FRZB: variants seen among roughly 807,000 people sequenced by gnomAD.
FRZB encodes the protein frizzled related protein.
A neutral mutation model predicts 32.5 loss-of-function variants in FRZB; 34 were observed. That is an observed-to-expected ratio of 1.05 (90% confidence interval 0.80 to 1.39). The LOEUF (loss-of-function observed/expected upper bound fraction) is 1.39, where lower values mean the gene tolerates loss of function less well. Ranked by LOEUF, FRZB falls within the 40% of genes most tolerant of loss-of-function variation. FRZB has a pLI of 0.00. For synonymous variants in FRZB, 170 were observed against 159.2 expected (o/e 1.07, Z -0.51); for missense variants, 423 against 424.8 (o/e 1.00, Z 0.04).
Position 182,834,801 on chromosome 2 carries a change from G to T in FRZB, c.*48C>A, listed in dbSNP as rs755094264. The T allele has an allele frequency of 3.8e-6, 5 of 1,321,932 alleles. No homozygotes were observed. Among genetic ancestry groups the T allele is most frequent in the Non-Finnish European group, 5.5e-6 (5 of 914,232 alleles). 81.9% of individuals were successfully genotyped at this position (1,321,932 alleles called of 1,614,324 possible). On this transcript the variant is annotated 3_prime_UTR_variant, in exon 6 of 6. Coordinates refer to ENST00000295113, the MANE Select transcript of FRZB (RefSeq NM_001463.4). ...TTCCTTTGCTAGTCCAGCAATGCAAGTAAGTCTTAATAGGAAGTCCACTGT... is the reference window on the plus strand; with the variant it reads ...TTCCTTTGCTAGTCCAGCAATGCAATTAAGTCTTAATAGGAAGTCCACTGT...
chr2:182,855,739 C>T (rs547335802), intron 2 of FRZB, among the ~76,000 whole-genome samples: 1 of 152,054 alleles, frequency 6.6e-6, no homozygotes, highest in Non-Finnish European at 1.5e-5. Context: ...GAAATAATTC[C>T]TAAGCACTTC....
At chr2:182,841,030 T>A (rs1695580384) in intron 3 of FRZB, among the ~76,000 whole-genome samples, 1 of 152,134 alleles carries the variant, frequency 6.6e-6, no homozygotes, top group African/African-American at 2.4e-5. Flanking sequence ...AACAAGCTAA[T>A]CTCCTAGAAA....
intron 1 of FRZB, among the ~76,000 whole-genome samples, chr2:182,865,769 G>A (rs1695882799): frequency 6.6e-6 from 1 of 152,244 alleles, no homozygotes; most frequent in Non-Finnish European, 1.5e-5. Context: ...GTAAGGAGTT[G>A]AAGTGAAGGA....
chr2:182,844,597 TAA>T (rs1203025949), intron 2 of FRZB, among the ~76,000 whole-genome samples: 1 of 152,202 alleles, frequency 6.6e-6, no homozygotes, highest in Non-Finnish European at 1.5e-5. Context: ...TGTGCTCAAA[TAA>T]AAAATTTTGG....
intron 1 of FRZB, among the ~76,000 whole-genome samples, chr2:182,861,590 A>C (rs932284499): frequency 6.6e-6 from 1 of 152,228 alleles, no homozygotes; most frequent in African/African-American, 2.4e-5. Flanking sequence ...CGACTAGTTC[A>C]GTGTACAAAA....
At chr2:182,858,741 T>C (rs774942436) in intron 2 of FRZB, 45 bp downstream of exon 2, 1 of 1,471,382 alleles carries the variant, frequency 6.8e-7, no homozygotes, top group South Asian at 1.2e-5. Context: ...CATCAATGAC[T>C]AATCTGACCA....
At chr2:182,848,597 A>G (rs1050845663) in intron 2 of FRZB, among the ~76,000 whole-genome samples, 5 of 152,160 alleles carry the variant, frequency 3.3e-5, no homozygotes, top group African/African-American at 7.2e-5. Context: ...CCTGGTGTCA[A>G]TGATGAAAGG....
chr2:182,859,221 G>C (rs1695804340), intron 1 of FRZB, among the ~76,000 whole-genome samples: 1 of 151,342 alleles, frequency 6.6e-6, no homozygotes. Flanking sequence ...TCAATAAATG[G>C]ACATATCACA....
Position 182,833,756 on chromosome 2 carries a change from G to C in FRZB, c.*1093C>G, listed in dbSNP as rs1033788968. The C allele has an allele frequency of 3.9e-5, 6 of 152,114 alleles. No individual in the cohort carries two copies. Among genetic ancestry groups the C allele is most frequent in the African/African-American group, 1.4e-4 (6 of 41,418 alleles). The allele number at this position is 152,114 out of a possible 1,614,324, so 9.4% of individuals were successfully genotyped here. A position where few individuals can be genotyped will look rare whatever the true frequency, so the allele number is the denominator to read the frequency against. ...GCAGCACAAATCCAAATGATAAAGTGCAGGCCAGTTTGCAGGCCTGTATTT... is the reference window on the plus strand; with the variant it reads ...GCAGCACAAATCCAAATGATAAAGTCCAGGCCAGTTTGCAGGCCTGTATTT... On this transcript the variant is annotated 3_prime_UTR_variant, in exon 6 of 6. Coordinates refer to ENST00000295113, the MANE Select transcript of FRZB (RefSeq NM_001463.4).
chr2:182,853,305 G>A (rs1234855928), intron 2 of FRZB, among the ~76,000 whole-genome samples: 1 of 152,132 alleles, frequency 6.6e-6, no homozygotes, highest in Non-Finnish European at 1.5e-5. Flanking sequence ...TTGTTGATGT[G>A]TTTTCTTTCT....
At chr2:182,842,127 G>A (rs2242070) in intron 3 of FRZB, among the ~76,000 whole-genome samples, 38,904 of 152,014 alleles carry the variant, frequency 0.26, 5,677 homozygotes, top group East Asian at 0.54. Context: ...ACTCAGTGAA[G>A]CACAACTGAT....
In FRZB at chr2:182,866,529, C is replaced by T. The variant is rs1266217331; in HGVS notation, c.24G>A (p.Gly8=). ...GCAGCCCGGCCCGCAGCAGCAGCATCCCTCCCGGGCTGCCGCAGACCATGA... is the reference window on the plus strand; with the variant it reads ...GCAGCCCGGCCCGCAGCAGCAGCATTCCTCCCGGGCTGCCGCAGACCATGA... The part of the protein sequence containing the change: MVCGSPG[G]MLLLRAGLLA... The change falls in exon 1 of 6, where the codon GGG becomes GGA. Residue 8 remains glycine, a synonymous_variant. Transcript: ENST00000295113. This position sits in a 1 kb window ranked among gnomAD's most constrained non-coding sequence, Gnocchi z 4.5. The T allele has an allele frequency of 6.8e-7, 1 of 1,470,688 alleles. No individual in the cohort carries two copies. The highest frequency in any genetic ancestry group is 2.4e-5 in the East Asian group (1 of 40,900). The allele number at this position is 1,470,688 out of a possible 1,614,324, so 91.1% of individuals were successfully genotyped here. A position where few individuals can be genotyped will look rare whatever the true frequency, so the allele number is the denominator to read the frequency against.
intron 3 of FRZB, among the ~76,000 whole-genome samples, chr2:182,840,146 G>T (rs1214539783): frequency 6.6e-6 from 1 of 152,066 alleles, no homozygotes; most frequent in Non-Finnish European, 1.5e-5. Flanking sequence ...GTCCTCGCTT[G>T]GTTTGACTGG....
chr2:182,837,489 A>G (rs1464715322), intron 5 of FRZB, among the ~76,000 whole-genome samples: 1 of 150,486 alleles, frequency 6.6e-6, no homozygotes, highest in African/African-American at 2.5e-5. Flanking sequence ...TTTGCAGCTA[A>G]GTAAAAACTG....
chr2:182,838,844 A>C (rs1695556462), intron 3 of FRZB, among the ~76,000 whole-genome samples: 1 of 152,034 alleles, frequency 6.6e-6, no homozygotes, highest in Admixed American at 6.6e-5. Flanking sequence ...GGCTGTGTAT[A>C]TATTTGCATG....
At chr2:182,842,754 C>T (rs771567496) in intron 2 of FRZB, among the ~76,000 whole-genome samples, 18 of 152,094 alleles carry the variant, frequency 1.2e-4, no homozygotes, top group African/African-American at 1.9e-4. Context: ...CTCATGAGAA[C>T]GAGTTTCCAT....
At chr2:182,849,227 A>AAAAT (rs61703753) in intron 2 of FRZB, among the ~76,000 whole-genome samples, 5,335 of 146,420 alleles carry the variant, frequency 0.036, 121 homozygotes, top group African/African-American at 0.053. Context: ...ACTCCGTCTC[A>AAAAT]AAATAAATAA....
chr2:182,850,815 T>C (rs1164868232), intron 2 of FRZB, among the ~76,000 whole-genome samples: 1 of 152,202 alleles, frequency 6.6e-6, no homozygotes, highest in Admixed American at 6.5e-5. Context: ...TTTTCCTTAG[T>C]GGCTATACTA....
chr2:182,866,225 A>G lies in FRZB; in HGVS notation c.328T>C (p.Ser110Pro). Residue 110 changes from serine (S) to proline (P), a missense_variant, in exon 1 of 6, where the codon TCT becomes CCT. Ser to Pro is a moderately conservative substitution (Grantham distance 74). Transcript: ENST00000295113. The surrounding 1 kb of genome is among the most constrained non-coding windows in gnomAD (Gnocchi z 4.5). ...CCCTGCCGGGCCCGCTCGCACACAG[A>G]CTTACAGGGCTTGATGGGCTCGTGC... Reference protein sequence around the residue: ...FQHEPIKPCKSVCERARQGCE... With the variant: ...FQHEPIKPCKPVCERARQGCE... 2 of 1,614,138 alleles carry G rather than the reference A, an allele frequency of 1.2e-6. No homozygotes were observed. The highest frequency in any genetic ancestry group is 1.7e-6 in the Non-Finnish European group (2 of 1,180,014).
Sources: gnomAD v4.1 joint callset for allele counts (sites outside exome capture counted in the v4.1 genomes callset) on GRCh38, gnomAD v4.1.1 for gene constraint, Gnocchi (gnomAD v3.1) non-coding constraint, MANE v1.5 for transcripts, NCBI Gene and HGNC (gene_info 2026-07-23, HGNC 2026-07-21) for gene names.